The following VTI1A variants were observed in gnomAD, a reference collection of about 807,000 sequenced individuals.
The protein encoded by VTI1A is vesicle transport through interaction with t-SNAREs homolog 1A.
Under a neutral mutation model 34.9 loss-of-function variants are expected in VTI1A, and 22 were observed. The observed-to-expected ratio is 0.63, with a 90% CI of 0.45 to 0.90. The LOEUF is 0.90. Ranked by LOEUF, VTI1A falls within the 40% of genes least tolerant of loss-of-function variation. VTI1A has a pLI of 0.00. For synonymous variants in VTI1A, 87 were observed against 97.3 expected, an observed-to-expected ratio of 0.89 and a Z score of 0.62; for missense variants, 268 against 275.6, an observed-to-expected ratio of 0.97 and a Z score of 0.20.
chr10:112,708,857 GTAAA>G (rs1352555217), intron 7 of VTI1A, among the ~76,000 whole-genome samples: 2 of 152,178 alleles, frequency 1.3e-5, no homozygotes, highest in East Asian at 3.8e-4. Context: ...CTTCTTGACA[GTAAA>G]TAGTCTCCTA....
chr10:112,472,895 T>TA (rs1564790994), intron 3 of VTI1A, among the ~76,000 whole-genome samples: 2 of 152,082 alleles, frequency 1.3e-5, no homozygotes, highest in Non-Finnish European at 2.9e-5. Flanking sequence ...CCTGCTACTT[T>TA]AAAAAATTAC....
intron 3 of VTI1A, among the ~76,000 whole-genome samples, chr10:112,479,039 C>T (rs185275012): frequency 4.9e-3 from 739 of 152,002 alleles, no homozygotes; most frequent in African/African-American, 0.017. Flanking sequence ...TGGTGGCACG[C>T]GCCTGTAATC....
chr10:112,595,586 G>A (rs1169904385), intron 5 of VTI1A, among the ~76,000 whole-genome samples: 7 of 152,112 alleles, frequency 4.6e-5, no homozygotes, highest in Non-Finnish European at 8.8e-5. Flanking sequence ...GGCCATCAGA[G>A]AAATGCAAAT....
At chr10:112,596,350 A>G (rs557433657) in intron 5 of VTI1A, among the ~76,000 whole-genome samples, 76 of 152,222 alleles carry the variant, frequency 5.0e-4, no homozygotes, top group Middle Eastern at 6.8e-3. Context: ...ATATAGTATG[A>G]AGACTTTTTT....
intron 3 of VTI1A, among the ~76,000 whole-genome samples, chr10:112,524,224 A>G (rs988735771): frequency 3.0e-4 from 46 of 152,110 alleles, no homozygotes; most frequent in African/African-American, 1.1e-3. Flanking sequence ...GTGAAAAATT[A>G]TGAGAAAATA....
downstream of VTI1A, among the ~76,000 whole-genome samples, chr10:112,819,694 A>G (rs192677909): frequency 1.1e-4 from 16 of 152,116 alleles, no homozygotes; most frequent in East Asian, 3.9e-4. Flanking sequence ...CTTCTTTTCC[A>G]TGGACCATGA....
rs538273568 is a variant in VTI1A at position 112,687,528 on chromosome 10, C to G, written c.560+18530C>G. Among the ~76,000 whole-genome samples the G allele has an allele frequency of 2.5e-3, 378 of 151,870 alleles. 1 individual carries two copies. Among genetic ancestry groups the G allele is most frequent in the African/African-American group, 8.2e-3 (341 of 41,420 alleles). ...GATTACAGGTGTGAGCCACTGCGCCCGGCAACTTTTTTTTTAAGCAACAAT... is the reference window on the plus strand; with the variant it reads ...GATTACAGGTGTGAGCCACTGCGCCGGGCAACTTTTTTTTTAAGCAACAAT... On this transcript the variant is annotated intron_variant, in intron 7 of 7. Coordinates refer to ENST00000393077, the MANE Select transcript of VTI1A (RefSeq NM_145206.4).
chr10:112,591,870 T>C (rs1010859294), intron 5 of VTI1A, among the ~76,000 whole-genome samples: 2 of 152,326 alleles, frequency 1.3e-5, no homozygotes, highest in East Asian at 3.9e-4. Context: ...GGAGATTTCC[T>C]CAATTAACCA....
At chr10:112,604,088 C>T (rs943637573) in intron 5 of VTI1A, among the ~76,000 whole-genome samples, 3 of 152,006 alleles carry the variant, frequency 2.0e-5, no homozygotes, top group African/African-American at 2.4e-5. Flanking sequence ...GGTGGGGATA[C>T]GAGTGACCCA....
chr10:112,832,358 A>G, the VTI1A span: 15 of 135,874 alleles, frequency 1.1e-4, no homozygotes, highest in Admixed American at 1.1e-3. Context: ...GTGGGCTCTT[A>G]GTTAGGCTGG....
chr10:112,476,276 A>G (rs185885591), intron 3 of VTI1A, among the ~76,000 whole-genome samples: 127 of 152,292 alleles, frequency 8.3e-4, no homozygotes, highest in Non-Finnish European at 1.1e-3. Context: ...CTGCAAATAT[A>G]TGGCCAGAAA....
At chr10:112,522,671 G>A (rs1348946472) in intron 3 of VTI1A, among the ~76,000 whole-genome samples, 1 of 152,052 alleles carries the variant, frequency 6.6e-6, no homozygotes, top group African/African-American at 2.4e-5. Flanking sequence ...AACTCAAGTC[G>A]AATGCCTTTT....
At chr10:112,753,179 C>A (rs1851163707) in intron 7 of VTI1A, among the ~76,000 whole-genome samples, 1 of 151,928 alleles carries the variant, frequency 6.6e-6, no homozygotes, top group South Asian at 2.1e-4. Flanking sequence ...ATGTTATCAG[C>A]TATTAGACTC....
chr10:112,714,772 G>A (rs577387432), intron 7 of VTI1A, among the ~76,000 whole-genome samples: 35 of 152,312 alleles, frequency 2.3e-4, no homozygotes, highest in African/African-American at 7.9e-4. Flanking sequence ...TCTGGAAAAC[G>A]CTATTCGATC....
intron 7 of VTI1A, among the ~76,000 whole-genome samples, chr10:112,772,479 CCTATT>C (rs757565078): frequency 5.3e-5 from 8 of 152,198 alleles, no homozygotes; most frequent in Non-Finnish European, 4.4e-5. Context: ...AACATGTTCT[CCTATT>C]CTACAGCGTG....
intron 7 of VTI1A, among the ~76,000 whole-genome samples, chr10:112,743,056 G>GTGTC: frequency 7.0e-6 from 1 of 143,514 alleles, no homozygotes; most frequent in South Asian, 2.2e-4. Context: ...GTGTGTGTGT[G>GTGTC]TCTTCCTGAA....
At chr10:112,747,519 A>G (rs1389646483) in intron 7 of VTI1A, among the ~76,000 whole-genome samples, 1 of 152,230 alleles carries the variant, frequency 6.6e-6, no homozygotes, top group Non-Finnish European at 1.5e-5. Flanking sequence ...TACAGTAAAA[A>G]TACTGTATTA....
intron 3 of VTI1A, among the ~76,000 whole-genome samples, chr10:112,492,972 C>G (rs911358075): frequency 6.6e-6 from 1 of 152,198 alleles, no homozygotes; most frequent in African/African-American, 2.4e-5. Flanking sequence ...TACTCCCATT[C>G]CATGTGACCA....
rs1826572294 is a variant in VTI1A at position 112,817,184 on chromosome 10, G to A, written c.*1801G>A. The A allele has an allele frequency of 8.6e-6, 2 of 232,510 alleles. No homozygotes were observed. Among genetic ancestry groups the A allele is most frequent in the South Asian group, 1.8e-4 (1 of 5,512 alleles). The allele number at this position is 232,510 out of a possible 1,614,324, so 14.4% of individuals were successfully genotyped here. A position where few individuals can be genotyped will look rare whatever the true frequency, so the allele number is the denominator to read the frequency against. On this transcript the variant is annotated 3_prime_UTR_variant, in exon 8 of 8. Coordinates refer to ENST00000393077, the MANE Select transcript of VTI1A (RefSeq NM_145206.4). ...TCATTCCGACACACGAATAGTCATC[G>A]AGTATTACACCAGCCCCTCTGGTGG...
Sources: gnomAD v4.1 joint callset for allele counts (sites outside exome capture counted in the v4.1 genomes callset) on GRCh38, gnomAD v4.1.1 for gene constraint, MANE v1.5 for transcripts, NCBI Gene and HGNC (gene_info 2026-07-23, HGNC 2026-07-21) for gene names.